Variants in STPG2 observed in about 807,000 individuals in gnomAD.
The protein encoded by STPG2 is sperm tail PG-rich repeat containing 2.
A neutral mutation model predicts 54.2 loss-of-function variants in STPG2; 56 were observed. That is an observed-to-expected ratio of 1.03 (90% CI 0.83 to 1.29). The LOEUF is 1.29. STPG2 is among the 50% of genes most tolerant of loss of function. The pLI is 0.00. For synonymous variants in STPG2, 200 were observed against 181.8 expected, an observed-to-expected ratio of 1.10 and a Z score of -0.81; for missense variants, 596 against 544.9, an observed-to-expected ratio of 1.09 and a Z score of -0.93.
intron 4 of STPG2, among the ~76,000 whole-genome samples, chr4:97,542,203 T>G (rs539712977): frequency 5.2e-4 from 79 of 152,020 alleles, no homozygotes; most frequent in African/African-American, 1.8e-3. Flanking sequence ...TGGGAGAAAA[T>G]TTTTGCAATC....
intron 7 of STPG2, among the ~76,000 whole-genome samples, chr4:97,971,793 A>T (rs1734335568): frequency 6.6e-6 from 1 of 152,214 alleles, no homozygotes. Flanking sequence ...AACTTAAAGT[A>T]TAATGAAAAA....
Position 97,697,818 on chromosome 4 carries a change from A to G in STPG2, c.1320+14881T>C, listed in dbSNP as rs542803131. Among the ~76,000 whole-genome samples, 176 of 152,332 alleles carry G rather than the reference A, an allele frequency of 1.2e-3. 1 individual carries two copies. The highest frequency in any genetic ancestry group is 3.8e-3 in the African/African-American group (159 of 41,582). On this transcript the variant is annotated intron_variant, in intron 10 of 10. Coordinates refer to ENST00000295268, the MANE Select transcript of STPG2 (RefSeq NM_174952.3). ...GTGTTCCTAAACCACAAGCAATTGC[A>G]TGAGTTATCTGTGCCTTAAGGACAT... is the stretch of plus-strand genomic sequence containing the variant.
intron 4 of STPG2, among the ~76,000 whole-genome samples, chr4:97,527,975 T>G (rs2148851154): frequency 6.6e-6 from 1 of 152,312 alleles, no homozygotes; most frequent in African/African-American, 2.4e-5. Flanking sequence ...TGCTAGTTTC[T>G]TTTGTTGTGC....
At chr4:98,071,136 T>C (rs2110107580) in intron 5 of STPG2, among the ~76,000 whole-genome samples, 1 of 152,046 alleles carries the variant, frequency 6.6e-6, no homozygotes, top group African/African-American at 2.4e-5. Context: ...AGAACAAAGC[T>C]GGAGGCATCA....
intron 5 of STPG2, among the ~76,000 whole-genome samples, chr4:98,015,652 T>G (rs563400124): frequency 6.6e-6 from 1 of 152,190 alleles, no homozygotes; most frequent in African/African-American, 2.4e-5. Flanking sequence ...AGTGTGGCAA[T>G]TCCTCAAAGA....
intron 4 of STPG2, among the ~76,000 whole-genome samples, chr4:97,545,641 T>C (rs1057086799): frequency 2.6e-5 from 4 of 152,116 alleles, no homozygotes; most frequent in Non-Finnish European, 4.4e-5. Context: ...TTCAATACTT[T>C]CGTTAATGAT....
At chr4:98,130,112 A>G (rs1739944032) in intron 2 of STPG2, among the ~76,000 whole-genome samples, 1 of 151,624 alleles carries the variant, frequency 6.6e-6, no homozygotes, top group Non-Finnish European at 1.5e-5. Flanking sequence ...CGCCCACCTC[A>G]GCCTCCCAAA....
At chr4:97,904,354 C>A (rs549603810) in intron 8 of STPG2, among the ~76,000 whole-genome samples, 1 of 152,188 alleles carries the variant, frequency 6.6e-6, no homozygotes, top group Non-Finnish European at 1.5e-5. Flanking sequence ...ACACCTCACA[C>A]GGCTGGCCAG....
chr4:97,652,610 G>T (rs1370068811), intron 10 of STPG2, among the ~76,000 whole-genome samples: 1 of 151,748 alleles, frequency 6.6e-6, no homozygotes, highest in Admixed American at 6.6e-5. Context: ...ACTGTACACT[G>T]GGGATATAAT....
chr4:97,614,116 A>C (rs1733800183), intron 10 of STPG2, among the ~76,000 whole-genome samples: 1 of 152,106 alleles, frequency 6.6e-6, no homozygotes, highest in African/African-American at 2.4e-5. Flanking sequence ...TCAAAAGATA[A>C]AAATAAAAAA....
chr4:97,589,063 C>CA (rs1265342959), intron 10 of STPG2, among the ~76,000 whole-genome samples: 2 of 151,898 alleles, frequency 1.3e-5, no homozygotes, highest in Non-Finnish European at 1.5e-5. Context: ...AGTGCCTACT[C>CA]TTAAGTAAAT....
intron 8 of STPG2, among the ~76,000 whole-genome samples, chr4:97,907,742 A>G (rs1731499443): frequency 6.6e-6 from 1 of 152,230 alleles, no homozygotes; most frequent in Admixed American, 6.5e-5. Flanking sequence ...ATCTTTGACA[A>G]ACCTCAGAAA....
intron 5 of STPG2, chr4:98,048,796 T>G (rs1467290983): frequency 1.2e-5 from 2 of 160,378 alleles, no homozygotes; most frequent in Non-Finnish European, 2.8e-5. Flanking sequence ...TGTTATGGAA[T>G]AGTTGCTCTA....
chr4:97,465,686 CAT>C (rs1302892653), intron 4 of STPG2, among the ~76,000 whole-genome samples: 1 of 152,020 alleles, frequency 6.6e-6, no homozygotes, highest in Non-Finnish European at 1.5e-5. Context: ...CACATCCTCT[CAT>C]ATATTTTAAA....
Position 97,524,727 on chromosome 4 carries a change from T to C in STPG2, c.462+187972A>G, listed in dbSNP as rs192360577. ...GAATTTCTTCCTAGTGTGGGTCATC[T>C]GGTCTCCAGTCCTGAGTTTCTCTTG... On this transcript the variant is annotated intron_variant, in intron 4 of 4. Coordinates refer to the STPG2 transcript ENST00000522676. 9.2e-5 allele frequency among the ~76,000 whole-genome samples: 14 copies of C among 152,122 alleles called. No homozygotes were observed. In the Middle Eastern group the frequency reaches 0.01, roughly 111 times the overall value.
chr4:97,461,806 CT>C (rs1172776964), intron 4 of STPG2, among the ~76,000 whole-genome samples: 1 of 151,888 alleles, frequency 6.6e-6, no homozygotes, highest in African/African-American at 2.4e-5. Flanking sequence ...TATTGGCTGT[CT>C]GCCTCTTTTA....
chr4:97,869,924 A>T (rs1729925990), intron 8 of STPG2, among the ~76,000 whole-genome samples: 1 of 151,600 alleles, frequency 6.6e-6, no homozygotes, highest in African/African-American at 2.4e-5. Context: ...CAGAGTCAGG[A>T]CAAGAACCCG....
At chr4:97,655,699 A>G (rs568112873) in intron 10 of STPG2, among the ~76,000 whole-genome samples, 64 of 152,196 alleles carry the variant, frequency 4.2e-4, no homozygotes, top group Middle Eastern at 6.8e-3. Context: ...TTTATTTCCT[A>G]TTTCAGTTTT....
intron 4 of STPG2, among the ~76,000 whole-genome samples, chr4:97,492,639 TA>T: frequency 7.5e-6 from 1 of 133,408 alleles, no homozygotes; most frequent in Non-Finnish European, 1.5e-5. Flanking sequence ...CATTCAATGA[TA>T]AAAACTTTTT....
Sources: allele counts gnomAD v4.1 joint callset (sites outside exome capture counted in the v4.1 genomes callset), GRCh38; gene constraint gnomAD v4.1.1; transcripts MANE v1.5; gene names NCBI Gene and HGNC (gene_info 2026-07-23, HGNC 2026-07-21).